PCDHGB5: variants seen among roughly 807,000 people sequenced by gnomAD.
PCDHGB5 encodes the protein protocadherin gamma subfamily B, 5.
PCDHGB5 carries 48 observed loss-of-function variants against 62.9 expected under a neutral mutation model. The observed-to-expected ratio is 0.76, with a 90% CI of 0.61 to 0.97. The LOEUF (loss-of-function observed/expected upper bound fraction) is 0.97. Among genes scored for constraint, PCDHGB5 ranks in the 50% least tolerant of loss-of-function variants. The probability of loss-of-function intolerance (pLI) is 0.00; values close to 1 mark genes in which losing one functional copy is unlikely to be tolerated. For missense variants in PCDHGB5, 1,118 were observed against 1,198.6 expected (o/e 0.93, Z 0.99); for synonymous variants, 474 against 511.2 (o/e 0.93, Z 0.98).
At chr5:141,410,849 C>CTTTTTTGTTTTTTTTTTTTTTT (rs2095433183) in intron 1 of PCDHGB5, 1 of 129,786 alleles carries the variant, frequency 7.7e-6, no homozygotes, top group African/African-American at 6.0e-5. Flanking sequence ...TTGTCTTTGT[C>CTTTTTTGTTTTTTTTTTTTTTT]TTTTTTTTTT....
At chr5:141,442,033 G>T (rs2098292928) in intron 1 of PCDHGB5, 1 of 209,534 alleles carries the variant, frequency 4.8e-6, no homozygotes, top group Non-Finnish European at 9.8e-6. Context: ...AAAGCGACTC[G>T]CCAGCGCCTA....
chr5:141,454,010 G>A (rs998092071), intron 1 of PCDHGB5, among the ~76,000 whole-genome samples: 2 of 152,146 alleles, frequency 1.3e-5, no homozygotes, highest in African/African-American at 4.8e-5. Context: ...TAACATTTTA[G>A]AAAAATGTAT....
chr5:141,465,881 G>T (rs1000308014), intron 1 of PCDHGB5, among the ~76,000 whole-genome samples: 1 of 151,960 alleles, frequency 6.6e-6, no homozygotes, highest in African/African-American at 2.4e-5. Flanking sequence ...CCAGCACTTT[G>T]GGAGGCCGAG....
At chr5:141,413,468 A>C in intron 1 of PCDHGB5, 1 of 1,614,072 alleles carries the variant, frequency 6.2e-7, no homozygotes, top group South Asian at 1.1e-5. Context: ...GACCGGGAGG[A>C]GCTCTGCGCT....
At position 141,476,760 on chromosome 5, in the gene PCDHGB5, C is replaced by A; in HGVS notation, c.2398-18047C>A. The A allele has an allele frequency of 6.2e-7, 1 of 1,613,824 alleles. No homozygotes were observed. Among genetic ancestry groups the A allele is most frequent in the Non-Finnish European group, 8.5e-7 (1 of 1,180,010 alleles). On this transcript the variant is annotated intron_variant, in intron 1 of 3. Coordinates refer to ENST00000617380, the MANE Select transcript of PCDHGB5 (RefSeq NM_018925.3). This position sits in a 1 kb window ranked among gnomAD's most constrained non-coding sequence, Gnocchi z 7.6. ...GAGCCTAGTCTCCAGTTAGTGCTGA[C>A]GGCGTTGGACGGAGGGACCCCAGCT...
At chr5:141,414,846 G>A in intron 1 of PCDHGB5, 1 of 1,614,218 alleles carries the variant, frequency 6.2e-7, no homozygotes, top group African/African-American at 1.3e-5. Flanking sequence ...TGTTTGTGCT[G>A]GACCAGAACG....
chr5:141,460,498 T>G (rs1028506755), intron 1 of PCDHGB5, among the ~76,000 whole-genome samples: 1 of 152,184 alleles, frequency 6.6e-6, no homozygotes. Context: ...TGGAAAAATA[T>G]GCTGAGAAGG....
At chr5:141,423,050 G>T (rs1434973750) in intron 1 of PCDHGB5, 2 of 1,614,068 alleles carry the variant, frequency 1.2e-6, no homozygotes, top group Admixed American at 1.7e-5. Context: ...CTGTCCTATC[G>T]CCTGCTTAAG....
At chr5:141,458,132 G>C (rs2098938269) in intron 1 of PCDHGB5, among the ~76,000 whole-genome samples, 1 of 152,218 alleles carries the variant, frequency 6.6e-6, no homozygotes, top group South Asian at 2.1e-4. Flanking sequence ...GAACCAGGCA[G>C]AGAAAAATGA....
intron 1 of PCDHGB5, among the ~76,000 whole-genome samples, chr5:141,470,504 G>A (rs914828244): frequency 6.6e-6 from 1 of 152,114 alleles, no homozygotes; most frequent in Admixed American, 6.6e-5. Flanking sequence ...TAGGTAATTA[G>A]ACAGTTAGCT....
chr5:141,403,759 G>A (rs900084263), intron 1 of PCDHGB5: 2 of 1,613,794 alleles, frequency 1.2e-6, no homozygotes, highest in Non-Finnish European at 1.7e-6. Flanking sequence ...CCAGCGACCT[G>A]GATGAGGGAA....
rs375597452 is a variant in PCDHGB5 at position 141,403,865 on chromosome 5, A to G, written c.2397+3341A>G. ...AAATACTGGGGAAATATCAACAGCA[A>G]AAAGTCTAGATTATGAAGAATGTTC... On this transcript the variant is annotated intron_variant, in intron 1 of 3. Transcript: ENST00000617380. 40 of 1,613,808 alleles carry G rather than the reference A, an allele frequency of 2.5e-5. No individual in the cohort carries two copies. The African/African-American group carries it at 5.2e-4, about 21-fold the overall frequency.
At chr5:141,492,404 T>C (rs944864208) in intron 1 of PCDHGB5, among the ~76,000 whole-genome samples, 9 of 152,316 alleles carry the variant, frequency 5.9e-5, no homozygotes, top group African/African-American at 1.9e-4. Context: ...GCAGCTCCCC[T>C]CTGCCGCTCC....
At chr5:141,427,984 C>A (rs754620535) in intron 1 of PCDHGB5, 6 of 1,597,376 alleles carry the variant, frequency 3.8e-6, no homozygotes, top group Non-Finnish European at 4.3e-6. Flanking sequence ...GCGCTGGGGC[C>A]CGATGGCTCC....
intron 1 of PCDHGB5, among the ~76,000 whole-genome samples, chr5:141,461,805 C>T (rs773854105): frequency 4.6e-5 from 7 of 151,854 alleles, no homozygotes; most frequent in Non-Finnish European, 8.8e-5. Flanking sequence ...AGGTGCCCAC[C>T]ACCACACCCA....
In PCDHGB5 at chr5:141,400,414, C is replaced by G; in HGVS notation, c.2287C>G (p.Leu763Val). Reference sequence around the variant, plus strand: ...TACAGGAAAGACGGAGTTTAATTTCCTAAAATGTAGTGAGCAATTGAGTTC... The same window carrying G: ...TACAGGAAAGACGGAGTTTAATTTCGTAAAATGTAGTGAGCAATTGAGTTC... ...AHTGKTEFNF[L>V]KCSEQLSSGQ... Residue 763 changes from leucine to valine, a missense_variant, in exon 1 of 4, where the codon CTA becomes GTA. This residue lies in a region of PCDHGB5 where 1,034 missense variants were observed against 1,029.1 expected (regional missense o/e 1.00). Transcript: ENST00000617380. 1 of 1,614,058 alleles carries G rather than the reference C, an allele frequency of 6.2e-7. No homozygotes were observed. The highest frequency in any genetic ancestry group is 1.3e-5 in the African/African-American group (1 of 75,074).
Position 141,431,677 on chromosome 5 carries a change from G to T in PCDHGB5, c.2397+31153G>T. The T allele has an allele frequency of 1.2e-6, 2 of 1,614,236 alleles. No homozygotes were observed. Among genetic ancestry groups the T allele is most frequent in the Non-Finnish European group, 1.7e-6 (2 of 1,180,050 alleles). ...CAGGGACAATATCAACAATAGGGGAGTTGGACCACGAGGAGTCAGGATTCT... is the reference window on the plus strand; with the variant it reads ...CAGGGACAATATCAACAATAGGGGATTTGGACCACGAGGAGTCAGGATTCT... On this transcript the variant is annotated intron_variant, in intron 1 of 3. Coordinates refer to ENST00000617380, the MANE Select transcript of PCDHGB5 (RefSeq NM_018925.3). The surrounding 1 kb of genome is among the most constrained non-coding windows in gnomAD (Gnocchi z 4.8).
chr5:141,407,497 G>GTTTTTTT (rs1554102286), intron 1 of PCDHGB5, among the ~76,000 whole-genome samples: 1 of 152,088 alleles, frequency 6.6e-6, no homozygotes, highest in African/African-American at 2.4e-5. Context: ...CTTTATTTCT[G>GTTTTTTT]TTTTTCTTAG....
chr5:141,403,127 C>G, intron 1 of PCDHGB5: 1 of 1,614,062 alleles, frequency 6.2e-7, no homozygotes, highest in Non-Finnish European at 8.5e-7. Context: ...GCCCCGGGAG[C>G]TGGCGGAGCG....
Sources: gnomAD v4.1 joint callset for allele counts (sites outside exome capture counted in the v4.1 genomes callset) on GRCh38, gnomAD v4.1.1 for gene constraint, gnomAD v4.1.1 regional missense constraint, Gnocchi (gnomAD v3.1) non-coding constraint, MANE v1.5 for transcripts, NCBI Gene and HGNC (gene_info 2026-07-23, HGNC 2026-07-21) for gene names.